Variants in OCA2 observed in about 807,000 individuals in gnomAD.
The protein encoded by OCA2 is OCA2 melanosomal transmembrane protein.
Under a neutral mutation model 100.2 loss-of-function variants are expected in OCA2, and 77 were observed. The ratio of observed to expected loss-of-function variants is 0.77; its 90% CI spans 0.64 to 0.93. The LOEUF (loss-of-function observed/expected upper bound fraction) is 0.93, where lower values mean the gene tolerates loss of function less well. Ranked by LOEUF, OCA2 falls within the 40% of genes least tolerant of loss-of-function variation. OCA2 has a pLI of 0.00. For synonymous variants in OCA2, 432 were observed against 439.2 expected, an observed-to-expected ratio of 0.98 and a Z score of 0.21; for missense variants, 1,062 against 1,089.1, an observed-to-expected ratio of 0.98 and a Z score of 0.35.
intron 2 of OCA2, among the ~76,000 whole-genome samples, chr15:28,060,201 C>T (rs1455460755): frequency 6.6e-6 from 1 of 152,126 alleles, no homozygotes; most frequent in African/African-American, 2.4e-5. Context: ...GCATGCCTGC[C>T]TGGAACTGGA....
the OCA2 span, among the ~76,000 whole-genome samples, chr15:27,725,331 C>G: frequency 6.6e-6 from 1 of 152,228 alleles, no homozygotes; most frequent in African/African-American, 2.4e-5. Context: ...AATCCCAGCA[C>G]TTTGGGAGGC....
intron 15 of OCA2, among the ~76,000 whole-genome samples, chr15:27,961,376 T>G (rs1414301478): frequency 6.6e-6 from 1 of 152,228 alleles, no homozygotes; most frequent in African/African-American, 2.4e-5. Flanking sequence ...TCAGCCATTG[T>G]GGAAGACAGT....
At chr15:28,064,357 TTCTC>T (rs149501086) in intron 2 of OCA2, among the ~76,000 whole-genome samples, 1 of 149,964 alleles carries the variant, frequency 6.7e-6, no homozygotes, top group Non-Finnish European at 1.5e-5. Context: ...TTCTGGTCCT[TTCTC>T]TCTCTCTCTC....
chr15:27,737,692 CCTTA>C, the OCA2 span, among the ~76,000 whole-genome samples: 1 of 152,176 alleles, frequency 6.6e-6, no homozygotes, highest in African/African-American at 2.4e-5. Context: ...AGCAAATATT[CCTTA>C]CTTAGGACAC....
chr15:28,052,448 C>T (rs2043546982), intron 2 of OCA2, among the ~76,000 whole-genome samples: 2 of 152,162 alleles, frequency 1.3e-5, no homozygotes, highest in Admixed American at 1.3e-4. Context: ...CGTTCATGAC[C>T]CTTCCAAACT....
chr15:27,759,892 G>C (rs1245152352), intron 23 of OCA2, among the ~76,000 whole-genome samples: 1 of 152,084 alleles, frequency 6.6e-6, no homozygotes, highest in Non-Finnish European at 1.5e-5. Flanking sequence ...GCCAACAACA[G>C]CAGAATGCAC....
intron 23 of OCA2, among the ~76,000 whole-genome samples, chr15:27,818,986 A>G (rs553111915): frequency 2.6e-5 from 4 of 152,300 alleles, no homozygotes; most frequent in African/African-American, 7.2e-5. Context: ...CTGGGGAACA[A>G]AGTCCTGAGG....
chr15:27,927,815 G>C, intron 18 of OCA2, among the ~76,000 whole-genome samples: 1 of 123,578 alleles, frequency 8.1e-6, no homozygotes, highest in Admixed American at 9.0e-5. Flanking sequence ...TTTTTGAGAT[G>C]GAGTCTTACT....
downstream of OCA2, among the ~76,000 whole-genome samples, chr15:27,752,178 C>A (rs1317231744): frequency 1.3e-5 from 2 of 152,176 alleles, no homozygotes; most frequent in East Asian, 3.9e-4. Flanking sequence ...ACAGACCCTT[C>A]ATCTGGATTT....
intron 2 of OCA2, among the ~76,000 whole-genome samples, chr15:28,034,104 C>A (rs2042983106): frequency 6.6e-6 from 1 of 152,058 alleles, no homozygotes; most frequent in East Asian, 1.9e-4. Context: ...GGCAACATAG[C>A]AAGACCCCAT....
intron 23 of OCA2, among the ~76,000 whole-genome samples, chr15:27,838,319 C>G (rs985661953): frequency 2.0e-5 from 3 of 152,008 alleles, no homozygotes; most frequent in African/African-American, 7.3e-5. Flanking sequence ...ATAAGGTGTT[C>G]CAGGAAGACT....
intron 8 of OCA2, 47 bp downstream of exon 8, chr15:28,016,057 C>T (rs765455434): frequency 1.8e-5 from 26 of 1,472,290 alleles, no homozygotes; most frequent in Admixed American, 1.0e-4. Context: ...TTTAAACGCA[C>T]GTGTCCCAGA....
At position 27,966,034 on chromosome 15, in the gene OCA2, G is replaced by A. The variant is rs189950063; in HGVS notation, c.1636+656C>T. ...CGCCCAGGCTGGAGTGCAGTGGCACGATCTTGGCTCACTGCAACCTCCACC... is the reference window on the plus strand; with the variant it reads ...CGCCCAGGCTGGAGTGCAGTGGCACAATCTTGGCTCACTGCAACCTCCACC... On this transcript the variant is annotated intron_variant, in intron 15 of 23. Transcript: ENST00000354638. Among the ~76,000 whole-genome samples the A allele has an allele frequency of 2.1e-3, 317 of 152,218 alleles. 2 individuals are homozygous for A. Among genetic ancestry groups the A allele is most frequent in the African/African-American group, 7.2e-3 (297 of 41,522 alleles).
the OCA2 span, among the ~76,000 whole-genome samples, chr15:27,730,726 A>C: frequency 7.3e-6 from 1 of 137,618 alleles, no homozygotes; most frequent in Non-Finnish European, 1.5e-5. Context: ...CCAGAGAAAA[A>C]GACCAAATAT....
intron 1 of OCA2, among the ~76,000 whole-genome samples, chr15:28,096,085 T>G (rs767279390): frequency 6.0e-5 from 9 of 151,006 alleles, no homozygotes; most frequent in Non-Finnish European, 1.3e-4. Context: ...TGGCTGCGTC[T>G]GCAAAGGCGT....
intron 1 of OCA2, among the ~76,000 whole-genome samples, chr15:28,082,467 G>A (rs1001682597): frequency 1.3e-5 from 2 of 152,164 alleles, no homozygotes; most frequent in Non-Finnish European, 1.5e-5. Context: ...CCCACCAGAA[G>A]GAACCAACTC....
intron 2 of OCA2, among the ~76,000 whole-genome samples, chr15:28,033,544 G>A (rs2042967015): frequency 6.6e-6 from 1 of 152,164 alleles, no homozygotes; most frequent in African/African-American, 2.4e-5. Context: ...AGTCTGTCTG[G>A]GGCCAGTGAA....
intron 23 of OCA2, among the ~76,000 whole-genome samples, chr15:27,817,550 G>A (rs2034348675): frequency 6.6e-6 from 1 of 152,142 alleles, no homozygotes; most frequent in African/African-American, 2.4e-5. Context: ...TCCACATCCT[G>A]ATGATTTCAT....
At chr15:27,906,344 G>C (rs1409590723) in intron 19 of OCA2, among the ~76,000 whole-genome samples, 2 of 151,968 alleles carry the variant, frequency 1.3e-5, no homozygotes, top group Admixed American at 1.3e-4. Context: ...CAAAAGAAAT[G>C]AGAAATAAAT....
Sources: allele counts gnomAD v4.1 joint callset (sites outside exome capture counted in the v4.1 genomes callset), GRCh38; gene constraint gnomAD v4.1.1; transcripts MANE v1.5; gene names NCBI Gene and HGNC (gene_info 2026-07-23, HGNC 2026-07-21).